The following MECOM variants were observed in gnomAD, a reference collection of about 807,000 sequenced individuals.
MECOM encodes MDS1 and EVI1 complex locus, also known as histone-lysine N-methyltransferase MECOM.
In MECOM, 13 loss-of-function variants were observed where a neutral mutation model predicts 116.3. That is an observed-to-expected ratio of 0.11 (90% CI 0.07 to 0.18). The LOEUF (loss-of-function observed/expected upper bound fraction) is 0.18. Ranked by LOEUF, MECOM falls within the 10% of genes least tolerant of loss-of-function variation. The pLI is 1.00. For missense variants in MECOM, 1,299 were observed against 1,509.0 expected (o/e 0.86, Z 2.31); for synonymous variants, 528 against 535.2 (o/e 0.99, Z 0.19).
chr3:169,251,473 A>C (rs1014308479), intron 2 of MECOM, among the ~76,000 whole-genome samples: 5 of 152,058 alleles, frequency 3.3e-5, no homozygotes, highest in African/African-American at 1.2e-4. Context: ...GCCGAAGTCT[A>C]CTCCCAGCTA....
chr3:169,183,206 T>C (rs1746211921), intron 2 of MECOM, among the ~76,000 whole-genome samples: 1 of 152,210 alleles, frequency 6.6e-6, no homozygotes, highest in Non-Finnish European at 1.5e-5. Flanking sequence ...GTGATGGGGA[T>C]AGAGAGGGCT....
intron 2 of MECOM, among the ~76,000 whole-genome samples, chr3:169,231,459 G>A (rs930603602): frequency 6.6e-6 from 1 of 152,002 alleles, no homozygotes. Flanking sequence ...TACAACCTAT[G>A]GTGAGTGAGA....
At chr3:169,474,908 A>G (rs1247308391) in intron 1 of MECOM, among the ~76,000 whole-genome samples, 1 of 152,178 alleles carries the variant, frequency 6.6e-6, no homozygotes, top group Non-Finnish European at 1.5e-5. Flanking sequence ...GGTAGATACT[A>G]TTATCCCATA....
At chr3:169,354,762 A>C (rs920684169) in intron 2 of MECOM, among the ~76,000 whole-genome samples, 10 of 151,738 alleles carry the variant, frequency 6.6e-5, no homozygotes, top group African/African-American at 2.4e-4. Flanking sequence ...ATATGTTTGC[A>C]TGGGCATATG....
chr3:169,149,617 C>T (rs1560283512), intron 2 of MECOM: 1 of 459,306 alleles, frequency 2.2e-6, no homozygotes, highest in Middle Eastern at 3.4e-4. Flanking sequence ...CGCGTCCTTC[C>T]GAGCTACGAG....
intron 8 of MECOM, among the ~76,000 whole-genome samples, chr3:169,114,524 A>T (rs1403222434): frequency 6.6e-6 from 1 of 152,200 alleles, no homozygotes; most frequent in Non-Finnish European, 1.5e-5. Context: ...CAAAATATGA[A>T]AATACTCCGA....
intron 1 of MECOM, among the ~76,000 whole-genome samples, chr3:169,468,659 A>G (rs1748703263): frequency 6.6e-6 from 1 of 152,248 alleles, no homozygotes; most frequent in Non-Finnish European, 1.5e-5. Flanking sequence ...AAATATTTGA[A>G]AAATACTTTA....
intron 1 of MECOM, among the ~76,000 whole-genome samples, chr3:169,445,486 G>T (rs1197700325): frequency 6.6e-6 from 1 of 152,212 alleles, no homozygotes; most frequent in African/African-American, 2.4e-5. Context: ...CCTCTGCCTA[G>T]ATTTTAGAAG....
At chr3:169,115,036 T>C (rs887895936) in intron 8 of MECOM, among the ~76,000 whole-genome samples, 5 of 152,162 alleles carry the variant, frequency 3.3e-5, no homozygotes, top group African/African-American at 1.2e-4. Flanking sequence ...CCACGCATAT[T>C]TGCATTAATC....
Position 169,234,656 on chromosome 3 carries a change from A to C in MECOM, c.376-90824T>G, listed in dbSNP as rs183628502. 3.3e-5 allele frequency among the ~76,000 whole-genome samples: 5 copies of C among 152,282 alleles called. No individual in the cohort carries two copies. In the East Asian group the frequency reaches 9.6e-4, roughly 29 times the overall value. On this transcript the variant is annotated intron_variant, in intron 2 of 16. Coordinates refer to ENST00000651503, the MANE Select transcript of MECOM (RefSeq NM_004991.4). ...CAAATCATTTATTTGCTATTGTGTA[A>C]GTTAAAACAGTAGCCCAGCTTCCAC...
chr3:169,484,568 CTT>C (rs1314309293), intron 1 of MECOM, among the ~76,000 whole-genome samples: 3 of 152,072 alleles, frequency 2.0e-5, no homozygotes, highest in Non-Finnish European at 2.9e-5. Flanking sequence ...TAGCTATTAA[CTT>C]ATATAAACAC....
chr3:169,497,070 G>T (rs2108953132), intron 1 of MECOM, among the ~76,000 whole-genome samples: 1 of 152,180 alleles, frequency 6.6e-6, no homozygotes, highest in African/African-American at 2.4e-5. Context: ...AAAATGAGCA[G>T]ACTCTTTAGT....
chr3:169,561,471 G>A (rs1576885612), intron 1 of MECOM, among the ~76,000 whole-genome samples: 1 of 152,290 alleles, frequency 6.6e-6, no homozygotes. Context: ...GTTGATAAGG[G>A]AAAGAAGATC....
At chr3:169,383,882 G>A (rs1374936761) in intron 1 of MECOM, among the ~76,000 whole-genome samples, 1 of 152,164 alleles carries the variant, frequency 6.6e-6, no homozygotes, top group African/African-American at 2.4e-5. Flanking sequence ...TTCTTCTTCA[G>A]TTCTTCCTGC....
Position 169,146,990 on chromosome 3 carries a change from A to G in MECOM, c.376-3158T>C, listed in dbSNP as rs1459869943. The stretch of plus-strand genomic sequence containing the variant: ...CGTTTCGGATTTATTGTCCGCCAAC[A>G]GTGTATTTTTAATACAAGAAATGAA... On this transcript the variant is annotated intron_variant, in intron 2 of 16. Transcript: ENST00000651503. 5.0e-6 allele frequency: 5 copies of G among 995,226 alleles called. No homozygotes were observed. The South Asian group carries it at 1.8e-4, about 35-fold the overall frequency. 61.6% of individuals were successfully genotyped at this position (995,226 alleles called of 1,614,324 possible).
At chr3:169,501,962 A>C (rs1754594701) in intron 1 of MECOM, among the ~76,000 whole-genome samples, 1 of 152,132 alleles carries the variant, frequency 6.6e-6, no homozygotes, top group African/African-American at 2.4e-5. Context: ...AATCCACAAG[A>C]AATAACTGAT....
intron 1 of MECOM, among the ~76,000 whole-genome samples, chr3:169,403,034 T>G (rs771613572): frequency 6.6e-6 from 1 of 152,224 alleles, no homozygotes; most frequent in Non-Finnish European, 1.5e-5. Context: ...AGTGGCTTAA[T>G]GTCAAGAAAA....
At chr3:169,105,686 GT>G (rs56009270) in intron 10 of MECOM, among the ~76,000 whole-genome samples, 4 of 151,918 alleles carry the variant, frequency 2.6e-5, no homozygotes, top group Non-Finnish European at 4.4e-5. Context: ...GTAAATGACA[GT>G]TTTTTTCCTA....
chr3:169,371,834 T>C (rs1276851724), intron 2 of MECOM, among the ~76,000 whole-genome samples: 1 of 152,038 alleles, frequency 6.6e-6, no homozygotes, highest in African/African-American at 2.4e-5. Context: ...GCAATGTTGC[T>C]GTTGTTGCCA....
Sources: gnomAD v4.1 joint callset for allele counts (sites outside exome capture counted in the v4.1 genomes callset) on GRCh38, gnomAD v4.1.1 for gene constraint, MANE v1.5 for transcripts, NCBI Gene and HGNC (gene_info 2026-07-23, HGNC 2026-07-21) for gene names.